The following OXR1 variants were observed in gnomAD, a reference collection of about 807,000 sequenced individuals.
The protein encoded by OXR1 is oxidation resistance protein 1.
A neutral mutation model predicts 104.6 loss-of-function variants in OXR1; 41 were observed. That is an observed-to-expected ratio of 0.39 (90% CI 0.31 to 0.51). OXR1 has a LOEUF of 0.51. Among genes scored for constraint, OXR1 ranks in the 20% least tolerant of loss-of-function variants. The pLI, the probability that OXR1 is intolerant of heterozygous loss-of-function variation, is 0.77. For missense variants in OXR1, 955 were observed against 1,031.9 expected (o/e 0.93, Z 1.02); for synonymous variants, 348 against 348.4 (o/e 1.00, Z 0.01).
intron 3 of OXR1, among the ~76,000 whole-genome samples, chr8:106,626,902 G>A (rs1418898308): frequency 6.6e-6 from 1 of 151,570 alleles, no homozygotes. Flanking sequence ...TAAAGCACTA[G>A]GATATATTTT....
rs368442249 is a variant in OXR1 at position 106,491,901 on chromosome 8, T to C, written c.24-27042T>C. On this transcript the variant is annotated intron_variant, in intron 2 of 16. Transcript: ENST00000517566. ...TCACCTTTAGTATGTTACCTCTCAATTTAACAATGAAAAATAAATGAAAAA... is the reference window on the plus strand; with the variant it reads ...TCACCTTTAGTATGTTACCTCTCAACTTAACAATGAAAAATAAATGAAAAA... 5.9e-5 allele frequency among the ~76,000 whole-genome samples: 9 copies of C among 152,160 alleles called. No homozygotes were observed. The East Asian group carries it at 1.5e-3, about 26-fold the overall frequency.
At chr8:106,300,269 C>G (rs1262422871) in intron 1 of OXR1, among the ~76,000 whole-genome samples, 3 of 152,054 alleles carry the variant, frequency 2.0e-5, no homozygotes, top group East Asian at 3.9e-4. Context: ...TTCAATTGAG[C>G]AGTGTCCCAG....
intron 2 of OXR1, among the ~76,000 whole-genome samples, chr8:106,398,994 A>G (rs768797018): frequency 3.3e-5 from 5 of 152,092 alleles, no homozygotes; most frequent in Non-Finnish European, 7.4e-5. Context: ...AGTCATCTCA[A>G]CCAAATTGGA....
chr8:106,280,765 A>G (rs1264550325), intron 1 of OXR1, among the ~76,000 whole-genome samples: 1 of 152,202 alleles, frequency 6.6e-6, no homozygotes, highest in Non-Finnish European at 1.5e-5. Context: ...ATTAAAAAAA[A>G]TTAAACATGT....
chr8:106,597,261 G>T (rs1346076822), intron 3 of OXR1, among the ~76,000 whole-genome samples: 2 of 152,084 alleles, frequency 1.3e-5, no homozygotes, highest in African/African-American at 4.8e-5. Flanking sequence ...TCATAAATGG[G>T]ATTAGTGTCT....
chr8:106,458,164 AC>A (rs2130639145), intron 2 of OXR1, among the ~76,000 whole-genome samples: 2 of 152,260 alleles, frequency 1.3e-5, no homozygotes, highest in South Asian at 4.2e-4. Flanking sequence ...TGAGTGAATG[AC>A]CCCAAAGGCA....
At chr8:106,664,747 TA>T (rs2131111291) in intron 3 of OXR1, among the ~76,000 whole-genome samples, 1 of 152,334 alleles carries the variant, frequency 6.6e-6, no homozygotes, top group South Asian at 2.1e-4. Context: ...AAACTTAGTA[TA>T]GGGTTTTTAA....
chr8:106,620,097 A>T (rs1189901832), intron 3 of OXR1, among the ~76,000 whole-genome samples: 2 of 152,146 alleles, frequency 1.3e-5, no homozygotes, highest in Non-Finnish European at 2.9e-5. Context: ...CATCTAGATT[A>T]TGCATTTTGC....
At chr8:106,680,426 T>C (rs1394682799) in intron 4 of OXR1, among the ~76,000 whole-genome samples, 1 of 152,214 alleles carries the variant, frequency 6.6e-6, no homozygotes, top group Non-Finnish European at 1.5e-5. Flanking sequence ...TAAGAAATCA[T>C]GTCACTCATA....
chr8:106,727,738 G>A (rs572793238), intron 11 of OXR1, among the ~76,000 whole-genome samples: 5 of 152,260 alleles, frequency 3.3e-5, no homozygotes, highest in African/African-American at 1.2e-4. Flanking sequence ...TCATTCTTAT[G>A]GGAGGCTATA....
Position 106,302,353 on chromosome 8 carries a change from C to T in OXR1, c.-139+31986C>T, listed in dbSNP as rs555620310. Among the ~76,000 whole-genome samples the T allele has an allele frequency of 1.6e-4, 25 of 152,158 alleles. No homozygotes were observed. The South Asian group carries it at 5.2e-3, about 32-fold the overall frequency. ...ATCCCAGCACTTTGGGAGGCCGAGG[C>T]GGGTGGATCACGAGGTCAGGAGATC... On this transcript the variant is annotated intron_variant, in intron 1 of 16. Transcript: ENST00000517566.
intron 3 of OXR1, among the ~76,000 whole-genome samples, chr8:106,586,338 G>T (rs1315716349): frequency 2.0e-5 from 3 of 152,060 alleles, no homozygotes. Flanking sequence ...AAAGAGAGAA[G>T]AAAAACAAAC....
At chr8:106,347,884 A>G (rs893603374) in intron 1 of OXR1, among the ~76,000 whole-genome samples, 6 of 152,320 alleles carry the variant, frequency 3.9e-5, no homozygotes, top group Middle Eastern at 3.4e-3. Context: ...ATTAACATTT[A>G]GTGTTCACCT....
Position 106,553,309 on chromosome 8 carries a change from G to A in OXR1, c.220+34170G>A, listed in dbSNP as rs911530473. ...TCAAAACTCAAAGTAAACTTTTCATGCAATTTTCTTCTTTTTTTTTTTTTT... is the reference window on the plus strand; with the variant it reads ...TCAAAACTCAAAGTAAACTTTTCATACAATTTTCTTCTTTTTTTTTTTTTT... On this transcript the variant is annotated intron_variant, in intron 3 of 16. Coordinates refer to ENST00000517566, the MANE Select transcript of OXR1 (RefSeq NM_001198533.2). Among the ~76,000 whole-genome samples, 5 of 135,530 alleles carry A rather than the reference G, an allele frequency of 3.7e-5. 1 individual carries two copies. In the South Asian group the frequency reaches 1.2e-3, roughly 33 times the overall value. 88.9% of individuals were successfully genotyped at this position (135,530 alleles called of 152,430 possible). A position where few individuals can be genotyped will look rare whatever the true frequency, so the allele number is the denominator to read the frequency against.
At chr8:106,602,744 T>C (rs1010485789) in intron 3 of OXR1, among the ~76,000 whole-genome samples, 12 of 152,298 alleles carry the variant, frequency 7.9e-5, no homozygotes, top group African/African-American at 2.9e-4. Context: ...ATAAAAATTA[T>C]GATAGTACAT....
At chr8:106,480,136 A>C (rs1270315146) in intron 2 of OXR1, among the ~76,000 whole-genome samples, 2 of 151,996 alleles carry the variant, frequency 1.3e-5, no homozygotes, top group African/African-American at 4.8e-5. Context: ...TTTTTCATTA[A>C]TCCTCAAGCT....
chr8:106,295,454 A>G (rs1170381530), intron 1 of OXR1, among the ~76,000 whole-genome samples: 1 of 152,170 alleles, frequency 6.6e-6, no homozygotes, highest in East Asian at 1.9e-4. Context: ...TACATATAAT[A>G]ACCTCATTGT....
chr8:106,398,203 G>A (rs1469230231), intron 2 of OXR1, among the ~76,000 whole-genome samples: 1 of 152,184 alleles, frequency 6.6e-6, no homozygotes, highest in Non-Finnish European at 1.5e-5. Flanking sequence ...CATTGGCTGA[G>A]CTGTGGTCTA....
intron 1 of OXR1, among the ~76,000 whole-genome samples, chr8:106,334,646 A>G (rs969465901): frequency 2.0e-5 from 3 of 152,208 alleles, no homozygotes; most frequent in African/African-American, 7.2e-5. Context: ...GGCAACCACT[A>G]ACAAAATAAC....
Sources: allele counts gnomAD v4.1 joint callset (sites outside exome capture counted in the v4.1 genomes callset), GRCh38; gene constraint gnomAD v4.1.1; transcripts MANE v1.5; gene names NCBI Gene and HGNC (gene_info 2026-07-23, HGNC 2026-07-21).